Variants in SLC35A1 observed in about 807,000 individuals in gnomAD.
The protein encoded by SLC35A1 is solute carrier family 35 member A1.
SLC35A1 carries 21 observed loss-of-function variants against 40.3 expected under a neutral mutation model. The observed-to-expected ratio is 0.52, with a 90% CI of 0.37 to 0.75. SLC35A1 has a LOEUF of 0.75. SLC35A1 is among the 30% of genes least tolerant of loss of function. The pLI is 0.00. For missense variants in SLC35A1, 297 were observed against 382.1 expected (o/e 0.78, Z 1.86); for synonymous variants, 146 against 147.3 (o/e 0.99, Z 0.06).
intron 7 of SLC35A1, among the ~76,000 whole-genome samples, chr6:87,511,130 C>G (rs1770254619): frequency 2.6e-5 from 4 of 152,088 alleles, no homozygotes; most frequent in Admixed American, 2.6e-4. Context: ...TGTTCTTTGT[C>G]AGAGTGGTCA....
intron 2 of SLC35A1, among the ~76,000 whole-genome samples, chr6:87,479,546 A>G (rs1048467114): frequency 8.5e-5 from 13 of 152,306 alleles, no homozygotes; most frequent in Admixed American, 5.9e-4. Flanking sequence ...AGACCTTGCA[A>G]TGCCTTTGTT....
chr6:87,476,389 C>T (rs975685102), intron 1 of SLC35A1, among the ~76,000 whole-genome samples: 1 of 152,126 alleles, frequency 6.6e-6, no homozygotes, highest in African/African-American at 2.4e-5. Flanking sequence ...CAGTTGGTTT[C>T]ATGCTTTGCA....
At chr6:87,489,623 C>A (rs1769486673) in intron 2 of SLC35A1, among the ~76,000 whole-genome samples, 1 of 146,456 alleles carries the variant, frequency 6.8e-6, no homozygotes, top group Non-Finnish European at 1.5e-5. Context: ...CTTACTGCAA[C>A]CTCCGCCTCC....
rs972315394 is a variant in SLC35A1, at chr6:87,509,047, C to G, written c.758C>G (p.Ala253Gly). The G allele has an allele frequency of 6.2e-6, 10 of 1,613,706 alleles. No individual in the cohort carries two copies. The highest frequency in any genetic ancestry group is 1.6e-4 in the Middle Eastern group (1 of 6,084). ...TYYVWFVIFL[A>G]SVGGLYTSVV... ...ATTTCTCTCTGTATACAAGTTCTTG[C>G]AAGTGTTGGTGGCCTCTACACTTCT... Residue 253 changes from alanine (A) to glycine (G), a missense_variant, in exon 7 of 8, where the codon GCA becomes GGA. Coordinates refer to ENST00000369552, the MANE Select transcript of SLC35A1 (RefSeq NM_006416.5).
intron 5 of SLC35A1, 78 bp from the exon 6 acceptor site, chr6:87,508,342 G>T (rs915936229): frequency 4.3e-6 from 4 of 926,402 alleles, no homozygotes; most frequent in Admixed American, 2.1e-5. Context: ...TATATCTCTA[G>T]GGTATTGTTC....
intron 2 of SLC35A1, among the ~76,000 whole-genome samples, chr6:87,490,228 C>A (rs1410202111): frequency 6.8e-6 from 1 of 147,912 alleles, no homozygotes; most frequent in African/African-American, 2.5e-5. Context: ...GCTCCTGTCT[C>A]AAAAAAAAAT....
At position 87,477,278 on chromosome 6, in the gene SLC35A1, T is replaced by C; in HGVS notation, c.17-84T>C. The C allele has an allele frequency of 5.6e-6, 7 of 1,241,878 alleles. No homozygotes were observed. The South Asian group carries it at 9.3e-5, about 17-fold the overall frequency. 76.9% of individuals were successfully genotyped at this position (1,241,878 alleles called of 1,614,324 possible). A position where few individuals can be genotyped will look rare whatever the true frequency, so the allele number is the denominator to read the frequency against. On this transcript the variant is annotated intron_variant, in intron 1 of 7. Coordinates refer to ENST00000369552, the MANE Select transcript of SLC35A1 (RefSeq NM_006416.5). ...ATATTTTGTGCTTGGAATTGGAAAG[T>C]ATTTTTAGGCTATAACTAGTTTATT...
chr6:87,500,407 A>G, intron 2 of SLC35A1, 101 bp from the exon 3 acceptor site: 4 of 1,158,124 alleles, frequency 3.5e-6, no homozygotes, highest in Non-Finnish European at 5.2e-6. Flanking sequence ...AATTACAGCA[A>G]GCATAGTATG....
At chr6:87,477,690 T>C in intron 2 of SLC35A1, 151 bp downstream of exon 2, 1 of 679,166 alleles carries the variant, frequency 1.5e-6, no homozygotes, top group Admixed American at 2.2e-5. Context: ...GATTTTTTAG[T>C]TGTCACAACT....
At chr6:87,481,155 C>CCTCCG (rs1271334330) in intron 2 of SLC35A1, among the ~76,000 whole-genome samples, 1 of 152,108 alleles carries the variant, frequency 6.6e-6, no homozygotes, top group Non-Finnish European at 1.5e-5. Context: ...GTGGCTCATG[C>CCTCCG]CTGTAATCCC....
At chr6:87,506,268 T>C (rs1202944583) in intron 4 of SLC35A1, 114 bp from the exon 5 acceptor site, 4 of 816,180 alleles carry the variant, frequency 4.9e-6, no homozygotes, top group Non-Finnish European at 8.5e-6. Flanking sequence ...CTGTGTCTGA[T>C]GTGGAATATA....
chr6:87,496,013 A>G (rs1355530318), intron 2 of SLC35A1: 2 of 152,236 alleles, frequency 1.3e-5, no homozygotes, highest in African/African-American at 2.4e-5. Flanking sequence ...TAAGAAATTT[A>G]TAAACAAAAT....
rs1376728578 is a variant in SLC35A1 at position 87,472,989 on chromosome 6, G to T, written c.-15G>T. 6.0e-6 allele frequency: 4 copies of T among 667,854 alleles called. No individual in the cohort carries two copies. The East Asian group carries it at 1.3e-4, about 22-fold the overall frequency. The allele number at this position is 667,854 out of a possible 1,614,324, so 41.4% of individuals were successfully genotyped here. On this transcript the variant is annotated 5_prime_UTR_variant, in exon 1 of 8. Transcript: ENST00000369552. The stretch of plus-strand genomic sequence containing the variant: ...GGGGGCGGGCGTCAGTTCCGCGGGG[G>T]GCTGTCGGGGAACCATGGCTGCCCC...
rs200497515 is a variant in SLC35A1 at position 87,508,565 on chromosome 6, T to C, written c.720T>C (p.Tyr240=). ...AAATTAAAGAAAAAGGATTTTTCTA[T>C]GGTTACACATATTATGTCTGGTTTG... ...GAEIKEKGFF[Y]GYTYYVWFVI... is the part of the protein sequence containing the mutation. The change falls in exon 6 of 8, where the codon TAT becomes TAC. Residue 240 remains tyrosine (Y), a synonymous_variant. Coordinates refer to ENST00000369552, the MANE Select transcript of SLC35A1 (RefSeq NM_006416.5). 7.4e-6 allele frequency: 12 copies of C among 1,613,096 alleles called. No individual in the cohort carries two copies. In the East Asian group the frequency reaches 2.5e-4, roughly 33 times the overall value.
intron 2 of SLC35A1, among the ~76,000 whole-genome samples, chr6:87,481,129 CA>C (rs1769230271): frequency 6.6e-6 from 1 of 152,136 alleles, no homozygotes; most frequent in Non-Finnish European, 1.5e-5. Context: ...AATTTGGGGA[CA>C]CCAGGCTGGG....
chr6:87,504,891 A>C (rs1770031616), intron 4 of SLC35A1, among the ~76,000 whole-genome samples: 1 of 152,212 alleles, frequency 6.6e-6, no homozygotes. Flanking sequence ...GCCAGTCTTG[A>C]AATTTGTATT....
chr6:87,482,581 A>G (rs577400498), intron 2 of SLC35A1, among the ~76,000 whole-genome samples: 19 of 152,278 alleles, frequency 1.2e-4, no homozygotes, highest in African/African-American at 3.9e-4. Flanking sequence ...GAGTTTCCCT[A>G]TCACTTACTG....
intron 2 of SLC35A1, among the ~76,000 whole-genome samples, chr6:87,486,767 G>T (rs1008876722): frequency 2.6e-5 from 4 of 152,172 alleles, no homozygotes; most frequent in Admixed American, 1.3e-4. Context: ...AAATCCCTGA[G>T]GCAGAAAAGT....
At position 87,492,182 on chromosome 6, in the gene SLC35A1, T is replaced by C. The variant is rs564466965; in HGVS notation, c.195-8326T>C. Among the ~76,000 whole-genome samples, 55 of 152,308 alleles carry C rather than the reference T, an allele frequency of 3.6e-4. 1 individual carries two copies. The highest frequency in any genetic ancestry group is 1.2e-3 in the African/African-American group (50 of 41,580). Reference sequence around the variant, plus strand: ...CGAAATTGAGACATCAGTACTGATATAGTACTATTACCTAATTCACGGACC... The same window carrying C: ...CGAAATTGAGACATCAGTACTGATACAGTACTATTACCTAATTCACGGACC... On this transcript the variant is annotated intron_variant, in intron 2 of 7. Coordinates refer to ENST00000369552, the MANE Select transcript of SLC35A1 (RefSeq NM_006416.5).
Sources: gnomAD v4.1 joint callset for allele counts (sites outside exome capture counted in the v4.1 genomes callset) on GRCh38, gnomAD v4.1.1 for gene constraint, MANE v1.5 for transcripts, NCBI Gene and HGNC (gene_info 2026-07-23, HGNC 2026-07-21) for gene names.